RAB21: variants seen among roughly 807,000 people sequenced by gnomAD.
RAB21 encodes ras-related protein Rab-21.
Under a neutral mutation model 33.1 loss-of-function variants are expected in RAB21, and 13 were observed. The observed-to-expected ratio is 0.39, with a 90% CI of 0.26 to 0.62. RAB21 has a LOEUF of 0.62. Among genes scored for constraint, RAB21 ranks in the 20% least tolerant of loss-of-function variants. RAB21 has a pLI of 0.48. For synonymous variants in RAB21, 91 were observed against 103.7 expected, an observed-to-expected ratio of 0.88 and a Z score of 0.74; for missense variants, 234 against 279.1, an observed-to-expected ratio of 0.84 and a Z score of 1.15.
intron 1 of RAB21, among the ~76,000 whole-genome samples, chr12:71,766,406 C>G (rs746613345): frequency 1.3e-5 from 2 of 152,094 alleles, no homozygotes; most frequent in South Asian, 2.1e-4. Context: ...GATATTTACC[C>G]TCCTTATGCC....
At chr12:71,759,266 G>A (rs1390095255) in intron 1 of RAB21, among the ~76,000 whole-genome samples, 2 of 152,218 alleles carry the variant, frequency 1.3e-5, no homozygotes, top group Admixed American at 6.5e-5. Flanking sequence ...ACATGGCAAA[G>A]AATAAGGTGT....
rs377020264 is a variant in RAB21, at chr12:71,764,498, G to T, written c.160-5302G>T. Among the ~76,000 whole-genome samples, 8 of 152,134 alleles carry T rather than the reference G, an allele frequency of 5.3e-5. No individual in the cohort carries two copies. The East Asian group carries it at 1.2e-3, about 22-fold the overall frequency. ...TATTTCAATAGTTTTTGGGGTATAG[G>T]TGTTTTTTTGCTACATGGATAAGTT... On this transcript the variant is annotated intron_variant, in intron 1 of 6. Coordinates refer to ENST00000261263, the MANE Select transcript of RAB21 (RefSeq NM_014999.4).
At position 71,774,039 on chromosome 12, in the gene RAB21, T is replaced by C; in HGVS notation, c.391+17T>C. On this transcript the variant is annotated intron_variant, in intron 4 of 6. Transcript: ENST00000261263. ...GTATAGTTGGTAAGCATCATTACTTTTTTCTAAAAAAAAAGTCCTCTGTTT... is the reference window on the plus strand; with the variant it reads ...GTATAGTTGGTAAGCATCATTACTTCTTTCTAAAAAAAAAGTCCTCTGTTT... 1 of 1,525,492 alleles carries C rather than the reference T, an allele frequency of 6.6e-7. No homozygotes were observed. Among genetic ancestry groups the C allele is most frequent in the Non-Finnish European group, 8.8e-7 (1 of 1,130,494 alleles). 94.5% of individuals were successfully genotyped at this position (1,525,492 alleles called of 1,614,324 possible).
rs565980751 is a variant in RAB21, at chr12:71,785,890, T to G, written c.*217T>G. On this transcript the variant is annotated 3_prime_UTR_variant, in exon 7 of 7. Coordinates refer to ENST00000261263, the MANE Select transcript of RAB21 (RefSeq NM_014999.4). ...CATTTTCTACAAATGTTTTTTTTTG[T>G]TTTTTTTTTGTTTTTTTTTGTTTTT... is the stretch of plus-strand genomic sequence containing the variant. 2.4e-4 allele frequency: 114 copies of G among 472,016 alleles called. No homozygotes were observed. The highest frequency in any genetic ancestry group is 2.9e-4 in the African/African-American group (14 of 47,536). 29.2% of individuals were successfully genotyped at this position (472,016 alleles called of 1,614,324 possible).
At chr12:71,772,377 A>G (rs545860741) in intron 3 of RAB21, among the ~76,000 whole-genome samples, 1 of 152,316 alleles carries the variant, frequency 6.6e-6, no homozygotes, top group East Asian at 1.9e-4. Context: ...GCACAGCATT[A>G]CTTCTGCCAC....
At chr12:71,766,845 T>C (rs1882968801) in intron 1 of RAB21, among the ~76,000 whole-genome samples, 1 of 151,994 alleles carries the variant, frequency 6.6e-6, no homozygotes, top group African/African-American at 2.4e-5. Context: ...GCCATATAAG[T>C]TGGAGAATAA....
intron 1 of RAB21, among the ~76,000 whole-genome samples, chr12:71,762,328 C>T (rs999729989): frequency 2.1e-5 from 3 of 145,706 alleles, no homozygotes; most frequent in East Asian, 2.2e-4. Context: ...TTTTTTGAGA[C>T]GGAGTCTCGC....
chr12:71,757,419 C>A (rs1198023208), intron 1 of RAB21, among the ~76,000 whole-genome samples: 1 of 152,132 alleles, frequency 6.6e-6, no homozygotes, highest in African/African-American at 2.4e-5. Flanking sequence ...CATACCCTTT[C>A]AACTTAAAAA....
rs977640119 is a variant in RAB21 at position 71,797,992 on chromosome 12, A to G, written c.*12319A>G. ...TTGTCAGAGAATTTTTAAAGATTTT[A>G]GTGTGGTAAAGGATTTCCTGAATTT... On this transcript the variant is annotated 3_prime_UTR_variant, in exon 7 of 7. Transcript: ENST00000261263. 1 of 152,196 alleles carries G rather than the reference A, an allele frequency of 6.6e-6. No individual in the cohort carries two copies. Among genetic ancestry groups the G allele is most frequent in the South Asian group, 2.1e-4 (1 of 4,836 alleles). 9.4% of individuals were successfully genotyped at this position (152,196 alleles called of 1,614,324 possible).
At chr12:71,771,333 C>G (rs1883039190) in intron 3 of RAB21, among the ~76,000 whole-genome samples, 1 of 152,190 alleles carries the variant, frequency 6.6e-6, no homozygotes, top group South Asian at 2.1e-4. Context: ...TTGACCTTTT[C>G]TCCTAAAGCT....
intron 4 of RAB21, among the ~76,000 whole-genome samples, chr12:71,777,736 T>C (rs994032327): frequency 6.6e-6 from 1 of 152,220 alleles, no homozygotes. Context: ...TTATGTGGCC[T>C]ACCTTCCAGA....
At chr12:71,758,925 C>T (rs900190619) in intron 1 of RAB21, among the ~76,000 whole-genome samples, 1 of 152,154 alleles carries the variant, frequency 6.6e-6, no homozygotes, top group Non-Finnish European at 1.5e-5. Flanking sequence ...TGTTGAGAAT[C>T]CTTTTCCAAC....
In RAB21 at chr12:71,785,842, G is replaced by A; in HGVS notation, c.*169G>A. 1 of 651,276 alleles carries A rather than the reference G, an allele frequency of 1.5e-6. No homozygotes were observed. The highest frequency in any genetic ancestry group is 3.6e-4 in the Middle Eastern group (1 of 2,810). The allele number at this position is 651,276 out of a possible 1,614,324, so 40.3% of individuals were successfully genotyped here. A position where few individuals can be genotyped will look rare whatever the true frequency, so the allele number is the denominator to read the frequency against. ...AGAGACCTTAAGTGCTAAACTTAGT[G>A]GAGTTTGTGACCAGAGAATTGGCAT... On this transcript the variant is annotated 3_prime_UTR_variant, in exon 7 of 7. Coordinates refer to ENST00000261263, the MANE Select transcript of RAB21 (RefSeq NM_014999.4).
At position 71,788,540 on chromosome 12, in the gene RAB21, T is replaced by C. The variant is rs1195670245; in HGVS notation, c.*2867T>C. Reference sequence around the variant, plus strand: ...AGACAAAGAGATGATAAACCAAGGCTGAGGAAATTTTTCTGATGCTTTCTT... The same window carrying C: ...AGACAAAGAGATGATAAACCAAGGCCGAGGAAATTTTTCTGATGCTTTCTT... On this transcript the variant is annotated 3_prime_UTR_variant, in exon 7 of 7. Coordinates refer to ENST00000261263, the MANE Select transcript of RAB21 (RefSeq NM_014999.4). The C allele has an allele frequency of 1.3e-5, 2 of 152,164 alleles. No homozygotes were observed. The highest frequency in any genetic ancestry group is 2.9e-5 in the Non-Finnish European group (2 of 68,008). The allele number at this position is 152,164 out of a possible 1,614,324, so 9.4% of individuals were successfully genotyped here.
intron 1 of RAB21, among the ~76,000 whole-genome samples, chr12:71,765,079 A>G (rs1014448537): frequency 1.3e-5 from 2 of 152,212 alleles, no homozygotes; most frequent in Non-Finnish European, 2.9e-5. Context: ...TCCCACCAGC[A>G]GTGTAAAAGT....
chr12:71,784,704 T>G (rs1883257637), intron 6 of RAB21, among the ~76,000 whole-genome samples: 1 of 152,208 alleles, frequency 6.6e-6, no homozygotes, highest in Non-Finnish European at 1.5e-5. Context: ...CTGTTTTGAT[T>G]AGTGTAGCTT....
At chr12:71,780,843 G>T (rs1315557265) in intron 4 of RAB21, among the ~76,000 whole-genome samples, 1 of 152,172 alleles carries the variant, frequency 6.6e-6, no homozygotes, top group Non-Finnish European at 1.5e-5. Flanking sequence ...AAGAAAAAAA[G>T]TAACCTTATT....
At chr12:71,760,273 T>A (rs970084536) in intron 1 of RAB21, among the ~76,000 whole-genome samples, 2 of 152,250 alleles carry the variant, frequency 1.3e-5, no homozygotes, top group African/African-American at 2.4e-5. Context: ...ATTGTGACAT[T>A]TGCCATACTT....
chr12:71,783,868 T>C (rs1001064119), intron 6 of RAB21, among the ~76,000 whole-genome samples: 12 of 151,376 alleles, frequency 7.9e-5, no homozygotes, highest in South Asian at 2.1e-4. Context: ...CTCCCTCCCT[T>C]CCTTCCTTCT....
Sources: allele counts gnomAD v4.1 joint callset (sites outside exome capture counted in the v4.1 genomes callset), GRCh38; gene constraint gnomAD v4.1.1; transcripts MANE v1.5; gene names NCBI Gene and HGNC (gene_info 2026-07-23, HGNC 2026-07-21).